Variants in NFATC2 observed in about 807,000 individuals in gnomAD.
The protein encoded by NFATC2 is nuclear factor of activated T-cells, cytoplasmic 2.
NFATC2 carries 22 observed loss-of-function variants against 87.3 expected under a neutral mutation model. The ratio of observed to expected loss-of-function variants is 0.25; its 90% CI spans 0.18 to 0.36. The LOEUF (loss-of-function observed/expected upper bound fraction) is 0.36, where lower values mean the gene tolerates loss of function less well. Ranked by LOEUF, NFATC2 falls within the 10% of genes least tolerant of loss-of-function variation. NFATC2 has a pLI of 1.00. For synonymous variants in NFATC2, 565 were observed against 542.2 expected, an observed-to-expected ratio of 1.04 and a Z score of -0.58; for missense variants, 1,149 against 1,259.1, an observed-to-expected ratio of 0.91 and a Z score of 1.32.
In NFATC2 at chr20:51,448,588, G is replaced by A. The variant is rs942118903; in HGVS notation, c.1849+5960C>T. On this transcript the variant is annotated intron_variant, in intron 6 of 10. Transcript: ENST00000371564. Reference sequence around the variant, plus strand: ...GAACCTGGGAGGCGGAGCTTGCAGTGAGCCGAGATCGCGCACTCGCGCCAC... The same window carrying A: ...GAACCTGGGAGGCGGAGCTTGCAGTAAGCCGAGATCGCGCACTCGCGCCAC... Among the ~76,000 whole-genome samples, 5 of 152,190 alleles carry A rather than the reference G, an allele frequency of 3.3e-5. No homozygotes were observed. In the East Asian group the frequency reaches 9.6e-4, roughly 29 times the overall value.
rs578096722 is a variant in NFATC2, at chr20:51,517,728, C to T, written c.1161-773G>A. On this transcript the variant is annotated intron_variant, in intron 2 of 10. Coordinates refer to ENST00000371564, the MANE Select transcript of NFATC2 (RefSeq NM_012340.5). ...GGCCAGGAGTTCGAGACCAGCCTGG[C>T]CAACATGGCGAAACCCTGTCTCTAC... is the stretch of plus-strand genomic sequence containing the variant. Among the ~76,000 whole-genome samples, 3 of 152,072 alleles carry T rather than the reference C, an allele frequency of 2.0e-5. No individual in the cohort carries two copies. In the South Asian group the frequency reaches 6.2e-4, roughly 32 times the overall value.
rs766000702 is a variant in NFATC2 at position 51,480,319 on chromosome 20, GGAGA to G, written c.1333-4663_1333-4660del. On this transcript the variant is annotated intron_variant, in intron 3 of 10. Transcript: ENST00000371564. This position sits in a 1 kb window ranked among gnomAD's most constrained non-coding sequence, Gnocchi z 4.2. The stretch of plus-strand genomic sequence containing the variant: ...AATAGAATGTGCTTCCTGCCGCACA[GGAGA>G]GAGAGTGGGGCAGGAAGGAGGGAGA... Among the ~76,000 whole-genome samples the G allele has an allele frequency of 6.8e-6, 1 of 148,146 alleles. No individual in the cohort carries two copies. Among genetic ancestry groups the G allele is most frequent in the Admixed American group, 6.7e-5 (1 of 14,970 alleles).
In NFATC2 at chr20:51,542,521, GCGGGGC is replaced by G. The variant is rs1444960153; in HGVS notation, c.-28_-23del. 7.1e-7 allele frequency: 1 copy of G among 1,403,504 alleles called. No individual in the cohort carries two copies. The highest frequency in any genetic ancestry group is 3.7e-5 in the Admixed American group (1 of 27,148). 86.9% of individuals were successfully genotyped at this position (1,403,504 alleles called of 1,614,324 possible). A position where few individuals can be genotyped will look rare whatever the true frequency, so the allele number is the denominator to read the frequency against. ...TCATGGCGCGCAGGGCGGGAAGGCT[GCGGGGC>G]CGGGGGCGAGGGCGGGCGCGGCTGG... On this transcript the variant is annotated 5_prime_UTR_variant, in exon 1 of 11. Coordinates refer to ENST00000371564, the MANE Select transcript of NFATC2 (RefSeq NM_012340.5).
intron 1 of NFATC2, among the ~76,000 whole-genome samples, chr20:51,528,207 C>T (rs536828407): frequency 3.9e-4 from 59 of 152,140 alleles, no homozygotes; most frequent in African/African-American, 1.4e-3. Context: ...TGGAAGCAAC[C>T]CAAAGCCCAT....
chr20:51,475,092 C>T (rs1600820534), intron 4 of NFATC2, among the ~76,000 whole-genome samples: 1 of 151,750 alleles, frequency 6.6e-6, no homozygotes, highest in Non-Finnish European at 1.5e-5. Flanking sequence ...CCTCAGCCTC[C>T]AGAGTATCTG....
chr20:51,544,611 A>C (rs1350359857), upstream of NFATC2, among the ~76,000 whole-genome samples: 4 of 152,220 alleles, frequency 2.6e-5, no homozygotes, highest in Non-Finnish European at 5.9e-5. Context: ...CCTGAAAGCA[A>C]AGTAGCACAG....
At chr20:51,530,597 G>A (rs1277457019) in intron 1 of NFATC2, among the ~76,000 whole-genome samples, 1 of 152,190 alleles carries the variant, frequency 6.6e-6, no homozygotes, top group Non-Finnish European at 1.5e-5. Flanking sequence ...TACCTGGCCT[G>A]CATACGAAGC....
intron 3 of NFATC2, among the ~76,000 whole-genome samples, chr20:51,497,723 C>T (rs955295158): frequency 2.6e-5 from 4 of 151,890 alleles, no homozygotes; most frequent in African/African-American, 4.8e-5. Flanking sequence ...AGGGAGGGGG[C>T]GATTGAGAAC....
At chr20:51,445,417 T>C (rs552351283) in intron 6 of NFATC2, among the ~76,000 whole-genome samples, 31 of 152,322 alleles carry the variant, frequency 2.0e-4, no homozygotes, top group Admixed American at 1.1e-3. Context: ...AAGAGCTCCC[T>C]GACTCCTCTA....
At chr20:51,523,000 C>T (rs896503396) in intron 2 of NFATC2, 81 bp downstream of exon 2, 128 of 1,574,810 alleles carry the variant, frequency 8.1e-5, no homozygotes, top group Non-Finnish European at 1.1e-4. Flanking sequence ...TTAAACCTGA[C>T]TCTGAATCCC....
At chr20:51,431,991 C>A (rs990880693) in intron 9 of NFATC2, 76 bp downstream of exon 9, 54 of 1,416,396 alleles carry the variant, frequency 3.8e-5, no homozygotes, top group Non-Finnish European at 4.8e-5. Flanking sequence ...ATCCGTAGGC[C>A]ATGCAGTGAA....
chr20:51,428,820 A>G (rs1982256985), intron 9 of NFATC2, among the ~76,000 whole-genome samples: 1 of 152,262 alleles, frequency 6.6e-6, no homozygotes. Context: ...GTTTCCAAGG[A>G]AAGCCCACTT....
Position 51,432,577 on chromosome 20 carries a change from G to A in NFATC2, c.2212C>T (p.Pro738Ser). The A allele has an allele frequency of 3.3e-6, 5 of 1,534,056 alleles. No homozygotes were observed. The highest frequency in any genetic ancestry group is 4.4e-6 in the Non-Finnish European group (5 of 1,141,666). ...CQQFRTGLSSPDARYQQQNPA... is the reference protein window; with the variant it reads ...CQQFRTGLSSSDARYQQQNPA... Reference sequence around the variant, plus strand: ...TTCTGTTGCTGGTAGCGGGCGTCAGGGGATGAGAGCCCCGTGCGGAACTGC... The same window carrying A: ...TTCTGTTGCTGGTAGCGGGCGTCAGAGGATGAGAGCCCCGTGCGGAACTGC... Residue 738 changes from proline to serine, a missense_variant, in exon 9 of 11, where the codon CCT (proline) becomes TCT (serine). By Grantham distance (74) the Pro-to-Ser change is moderately conservative. Transcript: ENST00000371564. This position sits in a 1 kb window ranked among gnomAD's most constrained non-coding sequence, Gnocchi z 4.6.
intron 9 of NFATC2, among the ~76,000 whole-genome samples, chr20:51,407,056 G>C (rs1440708471): frequency 2.6e-5 from 4 of 152,180 alleles, no homozygotes; most frequent in Non-Finnish European, 5.9e-5. Flanking sequence ...TTCACGTCAA[G>C]CCTGCTCACG....
intron 2 of NFATC2, among the ~76,000 whole-genome samples, chr20:51,517,891 T>C (rs1158680205): frequency 3.6e-5 from 5 of 140,278 alleles, no homozygotes; most frequent in Admixed American, 3.0e-4. Flanking sequence ...CACTTTAGCC[T>C]GGGTAACAGA....
At chr20:51,533,317 C>T (rs1243424266) in intron 1 of NFATC2, among the ~76,000 whole-genome samples, 3 of 152,366 alleles carry the variant, frequency 2.0e-5, no homozygotes, top group Middle Eastern at 3.4e-3. Flanking sequence ...ACAAATCTGA[C>T]ACTCAGCAAA....
At chr20:51,393,448 ATAACT>A (rs25618) in intron 10 of NFATC2, among the ~76,000 whole-genome samples, 97,355 of 151,182 alleles carry the variant, frequency 0.64, 32,668 homozygotes, top group African/African-American at 0.86. Context: ...TACATTATGT[ATAACT>A]TAACTTTTCC....
chr20:51,503,204 A>G (rs1391887684), intron 3 of NFATC2, among the ~76,000 whole-genome samples: 1 of 152,188 alleles, frequency 6.6e-6, no homozygotes, highest in African/African-American at 2.4e-5. Flanking sequence ...CACAGCTTGT[A>G]TTAATACCTT....
chr20:51,490,755 G>A (rs1280557626), intron 3 of NFATC2, among the ~76,000 whole-genome samples: 2 of 152,050 alleles, frequency 1.3e-5, no homozygotes, highest in East Asian at 3.8e-4. Flanking sequence ...GGGAGTTTGA[G>A]ACCAGCTTGG....
Sources: gnomAD v4.1 joint callset for allele counts (sites outside exome capture counted in the v4.1 genomes callset) on GRCh38, gnomAD v4.1.1 for gene constraint, Gnocchi (gnomAD v3.1) non-coding constraint, MANE v1.5 for transcripts, NCBI Gene and HGNC (gene_info 2026-07-23, HGNC 2026-07-21) for gene names.